Variants in TAF4B observed in about 807,000 individuals in gnomAD.
TAF4B encodes TATA-box binding protein associated factor 4b.
In TAF4B, 38 loss-of-function variants were observed where a neutral mutation model predicts 86.4. That is an observed-to-expected ratio of 0.44 (90% CI 0.34 to 0.58). The LOEUF is 0.58. TAF4B is among the 20% of genes least tolerant of loss of function. The pLI, the probability that TAF4B is intolerant of heterozygous loss-of-function variation, is 0.02. For synonymous variants in TAF4B, 388 were observed against 391.2 expected, an observed-to-expected ratio of 0.99 and a Z score of 0.10; for missense variants, 988 against 1,027.6, an observed-to-expected ratio of 0.96 and a Z score of 0.53.
chr18:26,235,806 T>G (rs1297275783), intron 1 of TAF4B, among the ~76,000 whole-genome samples: 4 of 152,172 alleles, frequency 2.6e-5, no homozygotes, highest in Non-Finnish European at 5.9e-5. Flanking sequence ...GTATAGGGGT[T>G]GGGTACAACT....
chr18:26,332,800 G>A (rs1232054926), intron 12 of TAF4B, among the ~76,000 whole-genome samples: 1 of 152,074 alleles, frequency 6.6e-6, no homozygotes, highest in Non-Finnish European at 1.5e-5. Flanking sequence ...CCAAAGTGCT[G>A]GGATTACAGG....
chr18:26,346,845 G>GTA lies in TAF4B; in HGVS notation c.2317-10833_2317-10832dup, dbSNP rs1243558379. 8.6e-4 allele frequency among the ~76,000 whole-genome samples: 12 copies of GTA among 13,960 alleles called. 1 individual carries two copies. The highest frequency in any genetic ancestry group is 1.1e-3 in the African/African-American group (8 of 6,966). 9.2% of individuals were successfully genotyped at this position (13,960 alleles called of 152,430 possible). A position where few individuals can be genotyped will look rare whatever the true frequency, so the allele number is the denominator to read the frequency against. Reference sequence around the variant, plus strand: ...TGTGTATATATATATATGTGTGTGTGTATATATATATATGTGTATATATAT... The same window carrying GTA: ...TGTGTATATATATATATGTGTGTGTGTATATATATATATATGTGTATATATAT... On this transcript the variant is annotated intron_variant, in intron 13 of 14. Coordinates refer to ENST00000269142, the MANE Select transcript of TAF4B (RefSeq NM_005640.3).
intron 13 of TAF4B, among the ~76,000 whole-genome samples, chr18:26,344,384 A>G (rs2057159950): frequency 6.6e-6 from 1 of 151,980 alleles, no homozygotes; most frequent in African/African-American, 2.4e-5. Context: ...AAAAAGGGAA[A>G]AAAACCTGTG....
intron 1 of TAF4B, among the ~76,000 whole-genome samples, chr18:26,233,867 A>C (rs777271992): frequency 3.3e-5 from 5 of 152,292 alleles, no homozygotes; most frequent in Non-Finnish European, 5.9e-5. Flanking sequence ...TTGTTCCCCC[A>C]GAGGGGCCTT....
chr18:26,341,594 A>G (rs1320951499), intron 13 of TAF4B, among the ~76,000 whole-genome samples: 1 of 152,188 alleles, frequency 6.6e-6, no homozygotes, highest in East Asian at 1.9e-4. Context: ...GGGATGGATG[A>G]GTAGGGTTGA....
Position 26,241,345 on chromosome 18 carries a change from C to T in TAF4B, c.343+14069C>T, listed in dbSNP as rs540924416. On this transcript the variant is annotated intron_variant, in intron 1 of 14. Coordinates refer to ENST00000269142, the MANE Select transcript of TAF4B (RefSeq NM_005640.3). The stretch of plus-strand genomic sequence containing the variant: ...TATGTGTCCAGGAATTTATGCATTT[C>T]TTCTAGATTTTTTAGTTTATTTGCG... Among the ~76,000 whole-genome samples, 20 of 152,268 alleles carry T rather than the reference C, an allele frequency of 1.3e-4. No individual in the cohort carries two copies. The South Asian group carries it at 1.9e-3, about 14-fold the overall frequency.
At chr18:26,293,379 G>A in intron 8 of TAF4B, 47 bp from the exon 9 acceptor site, 1 of 1,357,008 alleles carries the variant, frequency 7.4e-7, no homozygotes, top group Non-Finnish European at 1.0e-6. Flanking sequence ...CTAATGTGGT[G>A]TGATTGCTTT....
At chr18:26,244,689 C>A (rs930674584) in intron 1 of TAF4B, among the ~76,000 whole-genome samples, 3 of 152,118 alleles carry the variant, frequency 2.0e-5, no homozygotes, top group African/African-American at 7.2e-5. Flanking sequence ...TGTTCCTATT[C>A]GGCCATCTTG....
At chr18:26,357,928 A>G (rs1244111840) in intron 14 of TAF4B, 134 bp downstream of exon 14, 2 of 548,716 alleles carry the variant, frequency 3.6e-6, no homozygotes, top group Admixed American at 3.8e-5. Context: ...ATCTTTGCCA[A>G]TTTTATAAAA....
intron 13 of TAF4B, among the ~76,000 whole-genome samples, chr18:26,341,440 T>C (rs1023506597): frequency 6.6e-6 from 1 of 152,130 alleles, no homozygotes. Flanking sequence ...GGATGACAAC[T>C]GAAAAAAAAA....
At chr18:26,249,292 A>G (rs1409250372) in intron 1 of TAF4B, among the ~76,000 whole-genome samples, 13 of 152,342 alleles carry the variant, frequency 8.5e-5, no homozygotes, top group South Asian at 8.3e-4. Context: ...CAGCCAGGCC[A>G]ACATGGCAAA....
intron 9 of TAF4B, among the ~76,000 whole-genome samples, chr18:26,305,759 C>T (rs2056788742): frequency 6.6e-6 from 1 of 152,088 alleles, no homozygotes; most frequent in South Asian, 2.1e-4. Flanking sequence ...AAAGTAAGTC[C>T]TTTTTCTATA....
intron 13 of TAF4B, among the ~76,000 whole-genome samples, chr18:26,355,730 C>T (rs2057283818): frequency 6.6e-6 from 1 of 152,140 alleles, no homozygotes; most frequent in Admixed American, 6.5e-5. Context: ...TGCCATTTCT[C>T]TACAGGGAAG....
intron 9 of TAF4B, among the ~76,000 whole-genome samples, chr18:26,312,498 A>C (rs548030504): frequency 6.6e-6 from 1 of 152,258 alleles, no homozygotes; most frequent in South Asian, 2.1e-4. Flanking sequence ...AATCTTATTG[A>C]GTAGTTAGTT....
At chr18:26,286,592 A>T in intron 7 of TAF4B, 93 bp downstream of exon 7, 1 of 1,364,094 alleles carries the variant, frequency 7.3e-7, no homozygotes. Flanking sequence ...TAGTAAGGCT[A>T]TATACTGTTT....
At chr18:26,310,549 G>C (rs941053672) in intron 9 of TAF4B, among the ~76,000 whole-genome samples, 3 of 151,880 alleles carry the variant, frequency 2.0e-5, no homozygotes, top group African/African-American at 7.3e-5. Flanking sequence ...GCTTGAGAGA[G>C]GTGAAAAAAG....
At chr18:26,315,095 A>ACTCTCTCTCTCTCCCT (rs2056888554) in intron 9 of TAF4B, 134 bp from the exon 10 acceptor site, 1 of 215,984 alleles carries the variant, frequency 4.6e-6, no homozygotes, top group Non-Finnish European at 7.0e-6. Flanking sequence ...GCTCTCTGAA[A>ACTCTCTCTCTCTCCCT]CTCTCTCTCT....
At chr18:26,267,833 A>G (rs1191689533) in intron 3 of TAF4B, among the ~76,000 whole-genome samples, 3 of 152,230 alleles carry the variant, frequency 2.0e-5, no homozygotes, top group Non-Finnish European at 4.4e-5. Context: ...GTTTTACTTC[A>G]GTGTATTAAG....
chr18:26,244,010 C>T (rs537942571), intron 1 of TAF4B, among the ~76,000 whole-genome samples: 1 of 152,348 alleles, frequency 6.6e-6, no homozygotes, highest in Admixed American at 6.5e-5. Flanking sequence ...AGATGCCTCC[C>T]AGTTAGGCTA....
Sources: allele counts gnomAD v4.1 joint callset (sites outside exome capture counted in the v4.1 genomes callset), GRCh38; gene constraint gnomAD v4.1.1; transcripts MANE v1.5; gene names NCBI Gene and HGNC (gene_info 2026-07-23, HGNC 2026-07-21).